The following PATJ variants were observed in gnomAD, a reference collection of about 807,000 sequenced individuals.
PATJ encodes PATJ crumbs cell polarity complex component.
A neutral mutation model predicts 224.9 loss-of-function variants in PATJ; 190 were observed. That is an observed-to-expected ratio of 0.84 (90% CI 0.75 to 0.95). The LOEUF (loss-of-function observed/expected upper bound fraction) is 0.95, where lower values mean the gene tolerates loss of function less well. Ranked by LOEUF, PATJ falls within the 40% of genes least tolerant of loss-of-function variation. The pLI, the probability that PATJ is intolerant of heterozygous loss-of-function variation, is 0.00. For missense variants in PATJ, 2,121 were observed against 2,270.3 expected, an observed-to-expected ratio of 0.93 and a Z score of 1.34; for synonymous variants, 769 against 820.3, an observed-to-expected ratio of 0.94 and a Z score of 1.07.
intron 27 of PATJ, among the ~76,000 whole-genome samples, chr1:61,934,150 C>G (rs1300691635): frequency 6.6e-6 from 1 of 150,588 alleles, no homozygotes; most frequent in Non-Finnish European, 1.5e-5. Flanking sequence ...TGGAGTTTCG[C>G]TCTTGTTGCC....
intron 20 of PATJ, among the ~76,000 whole-genome samples, chr1:61,874,172 TTTTATTTA>T (rs61201804): frequency 0.019 from 2,651 of 139,750 alleles, 55 homozygotes; most frequent in African/African-American, 0.052. Flanking sequence ...CTTGGGCCTA[TTTTATTTA>T]TTTATTTATT....
intron 31 of PATJ, among the ~76,000 whole-genome samples, chr1:62,070,830 G>A (rs1368635579): frequency 3.9e-5 from 6 of 152,298 alleles, no homozygotes; most frequent in African/African-American, 1.4e-4. Context: ...TCATCCAGGA[G>A]ACCTAGGCTC....
At chr1:62,014,101 C>T (rs6679126) in intron 28 of PATJ, among the ~76,000 whole-genome samples, 1 of 152,002 alleles carries the variant, frequency 6.6e-6, no homozygotes, top group Non-Finnish European at 1.5e-5. Flanking sequence ...TGTCAATCAG[C>T]CTGGAGTACA....
At chr1:62,008,620 G>A (rs1322803678) in intron 28 of PATJ, among the ~76,000 whole-genome samples, 1 of 151,980 alleles carries the variant, frequency 6.6e-6, no homozygotes, top group Admixed American at 6.6e-5. Flanking sequence ...TGTGTGGTGC[G>A]CACCTGTAGT....
intron 29 of PATJ, among the ~76,000 whole-genome samples, chr1:62,028,236 A>G (rs1648412913): frequency 6.6e-6 from 1 of 152,088 alleles, no homozygotes; most frequent in African/African-American, 2.4e-5. Flanking sequence ...TATGTTGCTC[A>G]GGCTGGAGAG....
chr1:61,927,945 A>G (rs1675467589), intron 27 of PATJ, 116 bp downstream of exon 27: 2 of 710,232 alleles, frequency 2.8e-6, no homozygotes, highest in South Asian at 2.1e-5. Flanking sequence ...GCATGAATGT[A>G]TGCTAAAAAA....
chr1:61,820,337 CTATT>C lies in PATJ; in HGVS notation c.1684-2589_1684-2586del, dbSNP rs1253942199. Among the ~76,000 whole-genome samples, 130 of 151,562 alleles carry C rather than the reference CTATT, an allele frequency of 8.6e-4. 2 individuals are homozygous for C. Among genetic ancestry groups the C allele is most frequent in the African/African-American group, 3.0e-3 (122 of 41,276 alleles). On this transcript the variant is annotated intron_variant, in intron 14 of 43. Coordinates refer to ENST00000642238, the MANE Select transcript of PATJ (RefSeq NM_001350145.3). The stretch of plus-strand genomic sequence containing the variant: ...ACAGGCGTGAGCCACCGTGCCTGGC[CTATT>C]TATTTATTTATTTATTTAGAGACGG...
intron 21 of PATJ, among the ~76,000 whole-genome samples, chr1:61,883,172 A>C (rs1035480068): frequency 6.6e-6 from 1 of 152,198 alleles, no homozygotes; most frequent in African/African-American, 2.4e-5. Flanking sequence ...TTAACATGAT[A>C]ATTGTATAAT....
At chr1:62,057,222 C>T (rs1654700995) in intron 31 of PATJ, among the ~76,000 whole-genome samples, 1 of 152,146 alleles carries the variant, frequency 6.6e-6, no homozygotes, top group Non-Finnish European at 1.5e-5. Flanking sequence ...GAGGGCTACC[C>T]TGGGGATGAA....
At chr1:61,953,499 T>A (rs765474540) in intron 27 of PATJ, among the ~76,000 whole-genome samples, 41 of 152,344 alleles carry the variant, frequency 2.7e-4, no homozygotes, top group Non-Finnish European at 5.1e-4. Flanking sequence ...AACTACCTAG[T>A]ATTCAATTCT....
chr1:62,137,187 C>G (rs539112901), intron 41 of PATJ, among the ~76,000 whole-genome samples: 18 of 151,684 alleles, frequency 1.2e-4, no homozygotes, highest in African/African-American at 4.4e-4. Flanking sequence ...TTTAATGTTC[C>G]TTTTACCCTA....
chr1:61,751,489 C>G (rs960257584), intron 1 of PATJ, among the ~76,000 whole-genome samples: 5 of 151,842 alleles, frequency 3.3e-5, no homozygotes, highest in African/African-American at 1.2e-4. Flanking sequence ...TTTTTTTTGT[C>G]ATTGTTGCTC....
intron 29 of PATJ, among the ~76,000 whole-genome samples, chr1:62,019,643 A>C (rs1317717927): frequency 1.3e-5 from 2 of 151,930 alleles, no homozygotes; most frequent in Non-Finnish European, 2.9e-5. Context: ...GTCTTTGTAT[A>C]TTAAGATGAG....
At chr1:61,812,836 G>A (rs1050254198) in intron 14 of PATJ, among the ~76,000 whole-genome samples, 6 of 151,850 alleles carry the variant, frequency 4.0e-5, no homozygotes, top group African/African-American at 1.2e-4. Context: ...GCAATACAGC[G>A]AGATTCTGTC....
chr1:61,800,487 T>C (rs765626370), intron 11 of PATJ, among the ~76,000 whole-genome samples: 1 of 152,238 alleles, frequency 6.6e-6, no homozygotes, highest in Non-Finnish European at 1.5e-5. Flanking sequence ...TAGTTGTTCA[T>C]TGGAGACATA....
intron 28 of PATJ, chr1:61,991,496 T>C (rs1645062515): frequency 2.0e-6 from 2 of 985,268 alleles, no homozygotes; most frequent in African/African-American, 3.5e-5. Flanking sequence ...TGACTCAGAA[T>C]AGAATTTACA....
intron 27 of PATJ, among the ~76,000 whole-genome samples, chr1:61,948,391 A>T (rs866777938): frequency 1.3e-5 from 2 of 152,202 alleles, no homozygotes; most frequent in Non-Finnish European, 1.5e-5. Context: ...ACCCCATCAA[A>T]AAGTGGGCAA....
At chr1:62,041,205 A>G (rs1651415300) in intron 30 of PATJ, among the ~76,000 whole-genome samples, 1 of 152,150 alleles carries the variant, frequency 6.6e-6, no homozygotes, top group Non-Finnish European at 1.5e-5. Flanking sequence ...TGTTACCTTC[A>G]GGGGTTAACC....
Position 62,133,817 on chromosome 1 carries a change from G to A in PATJ, c.5271+4872G>A, listed in dbSNP as rs1365620891. Reference sequence around the variant, plus strand: ...GCTGGAGTGCAGTGGCACAATCTCGGCTCCACTGAGCCTCCACCTCCTGGG... The same window carrying A: ...GCTGGAGTGCAGTGGCACAATCTCGACTCCACTGAGCCTCCACCTCCTGGG... On this transcript the variant is annotated intron_variant, in intron 41 of 43. Transcript: ENST00000642238. Among the ~76,000 whole-genome samples the A allele has an allele frequency of 4.7e-5, 7 of 150,534 alleles. No homozygotes were observed. The Admixed American group carries it at 4.7e-4, about 10-fold the overall frequency.
Sources: allele counts gnomAD v4.1 joint callset (sites outside exome capture counted in the v4.1 genomes callset), GRCh38; gene constraint gnomAD v4.1.1; transcripts MANE v1.5; gene names NCBI Gene and HGNC (gene_info 2026-07-23, HGNC 2026-07-21).